Variants in CSMD1 observed in about 807,000 individuals in gnomAD.
The protein encoded by CSMD1 is CUB and Sushi multiple domains 1.
A neutral mutation model predicts 417.5 loss-of-function variants in CSMD1; 213 were observed. The observed-to-expected ratio is 0.51, with a 90% CI of 0.46 to 0.57. The LOEUF is 0.57. Ranked by LOEUF, CSMD1 falls within the 20% of genes least tolerant of loss-of-function variation. The pLI, the probability that CSMD1 is intolerant of heterozygous loss-of-function variation, is 0.00. For missense variants in CSMD1, 6,923 were observed against 4,529.7 expected (o/e 1.53, Z -15.17); for synonymous variants, 2,862 against 1,736.8 (o/e 1.65, Z -16.11).
chr8:3,472,420 G>C (rs184901722), intron 11 of CSMD1, among the ~76,000 whole-genome samples: 5 of 152,122 alleles, frequency 3.3e-5, no homozygotes, highest in South Asian at 4.2e-4. Flanking sequence ...AACATGATTG[G>C]TACTCTGCTA....
chr8:4,631,338 G>A (rs1251070384), intron 2 of CSMD1, among the ~76,000 whole-genome samples: 1 of 152,030 alleles, frequency 6.6e-6, no homozygotes, highest in Non-Finnish European at 1.5e-5. Flanking sequence ...CTCCAGCCTG[G>A]GAGACAGGGC....
At chr8:3,037,422 G>A (rs369160534) in intron 50 of CSMD1, among the ~76,000 whole-genome samples, 122 of 151,708 alleles carry the variant, frequency 8.0e-4, no homozygotes, top group African/African-American at 2.2e-3. Context: ...GTTAGCCAGG[G>A]TGGTCTGGAT....
intron 5 of CSMD1, among the ~76,000 whole-genome samples, chr8:3,853,382 T>C (rs563446183): frequency 6.6e-5 from 10 of 152,186 alleles, no homozygotes; most frequent in Non-Finnish European, 1.2e-4. Flanking sequence ...TGTAATGTAA[T>C]GCATTGGTAT....
At chr8:4,312,129 T>C (rs933334384) in intron 3 of CSMD1, among the ~76,000 whole-genome samples, 1 of 151,950 alleles carries the variant, frequency 6.6e-6, no homozygotes, top group Non-Finnish European at 1.5e-5. Context: ...CTTTTAAAAA[T>C]CAAAATATAT....
chr8:4,248,257 G>A (rs1409133063), intron 3 of CSMD1, among the ~76,000 whole-genome samples: 1 of 152,098 alleles, frequency 6.6e-6, no homozygotes, highest in African/African-American at 2.4e-5. Context: ...GAACATTCAA[G>A]TCTTAATTTC....
chr8:3,723,392 C>G (rs978531881), intron 6 of CSMD1, among the ~76,000 whole-genome samples: 10 of 152,188 alleles, frequency 6.6e-5, no homozygotes, highest in African/African-American at 2.2e-4. Context: ...ATAAGCTAAT[C>G]ATAGGACAGA....
At chr8:3,854,699 G>C (rs772856071) in intron 5 of CSMD1, among the ~76,000 whole-genome samples, 11 of 151,332 alleles carry the variant, frequency 7.3e-5, no homozygotes, top group Non-Finnish European at 1.5e-4. Context: ...AGGGAGTCGG[G>C]AAGATGAGAC....
intron 11 of CSMD1, among the ~76,000 whole-genome samples, chr8:3,492,246 C>T (rs1177443736): frequency 4.6e-5 from 7 of 152,102 alleles, no homozygotes; most frequent in Non-Finnish European, 1.0e-4. Context: ...CAGTGGCATG[C>T]CGCTGAGCTC....
At position 3,214,494 on chromosome 8, in the gene CSMD1, C is replaced by T; in HGVS notation, c.4867+3G>A. The T allele has an allele frequency of 6.3e-7, 1 of 1,583,810 alleles. No individual in the cohort carries two copies. The highest frequency in any genetic ancestry group is 1.2e-5 in the South Asian group (1 of 85,564). On this transcript the variant is annotated splice_donor_region_variant and intron_variant, in intron 30 of 69. Transcript: ENST00000635120. The stretch of plus-strand genomic sequence containing the variant: ...TCTAGAAAATACCCAAGCGTGCACT[C>T]ACCATTGCAGGAGGGCAGCACTTGG...
chr8:3,900,603 G>A (rs923714285), intron 5 of CSMD1, among the ~76,000 whole-genome samples: 1 of 151,954 alleles, frequency 6.6e-6, no homozygotes, highest in Non-Finnish European at 1.5e-5. Flanking sequence ...GGGTGACAGT[G>A]TAGCTGGGTG....
intron 11 of CSMD1, among the ~76,000 whole-genome samples, chr8:3,477,490 G>C (rs1300311209): frequency 6.6e-6 from 1 of 152,226 alleles, no homozygotes; most frequent in East Asian, 1.9e-4. Flanking sequence ...GTGAGCTGGA[G>C]ATTAATAAGG....
intron 37 of CSMD1, among the ~76,000 whole-genome samples, chr8:3,162,677 T>TA (rs756687801): frequency 6.8e-6 from 1 of 147,242 alleles, no homozygotes; most frequent in Non-Finnish European, 1.5e-5. Flanking sequence ...AGTCTTTATA[T>TA]AAAAAAATTA....
At chr8:3,779,783 G>C (rs1428820598) in intron 5 of CSMD1, among the ~76,000 whole-genome samples, 4 of 152,144 alleles carry the variant, frequency 2.6e-5, no homozygotes, top group African/African-American at 4.8e-5. Context: ...GCTCCTTCCA[G>C]AAGATTAACA....
intron 1 of CSMD1, among the ~76,000 whole-genome samples, chr8:4,718,107 G>C (rs1021552433): frequency 6.6e-6 from 1 of 151,974 alleles, no homozygotes; most frequent in East Asian, 1.9e-4. Flanking sequence ...CAAAGTACCT[G>C]GTATGACAGG....
At chr8:4,839,999 G>C (rs147525055) in intron 1 of CSMD1, among the ~76,000 whole-genome samples, 2 of 152,080 alleles carry the variant, frequency 1.3e-5, no homozygotes, top group African/African-American at 4.8e-5. Flanking sequence ...GAACTTACAG[G>C]TGCTTTTTGT....
At chr8:3,965,448 T>G (rs184659253) in intron 5 of CSMD1, among the ~76,000 whole-genome samples, 1 of 152,148 alleles carries the variant, frequency 6.6e-6, no homozygotes, top group Non-Finnish European at 1.5e-5. Context: ...AGAATGTTTA[T>G]GCGTAGAATT....
intron 26 of CSMD1, among the ~76,000 whole-genome samples, chr8:3,236,766 C>T (rs1413100207): frequency 1.3e-5 from 2 of 152,104 alleles, no homozygotes; most frequent in Non-Finnish European, 2.9e-5. Context: ...GGATTTTTTG[C>T]TGACTCTGAA....
intron 1 of CSMD1, among the ~76,000 whole-genome samples, chr8:4,845,428 A>C (rs759849569): frequency 6.6e-5 from 10 of 152,216 alleles, no homozygotes; most frequent in Non-Finnish European, 1.2e-4. Flanking sequence ...GAGAACTTGA[A>C]TCAACCAATA....
At chr8:4,446,289 C>T (rs79876499) in intron 2 of CSMD1, among the ~76,000 whole-genome samples, 2 of 152,120 alleles carry the variant, frequency 1.3e-5, no homozygotes, top group East Asian at 1.9e-4. Context: ...GGCTCATGCC[C>T]GTAATCCTGC....
Sources: gnomAD v4.1 joint callset for allele counts (sites outside exome capture counted in the v4.1 genomes callset) on GRCh38, gnomAD v4.1.1 for gene constraint, MANE v1.5 for transcripts, NCBI Gene and HGNC (gene_info 2026-07-23, HGNC 2026-07-21) for gene names.